ANK3: variants seen among roughly 807,000 people sequenced by gnomAD.
ANK3 encodes the protein ankyrin-3.
In ANK3, 57 loss-of-function variants were observed where a neutral mutation model predicts 370.9. The ratio of observed to expected loss-of-function variants is 0.15; its 90% CI spans 0.12 to 0.19. The LOEUF (loss-of-function observed/expected upper bound fraction) is 0.19, where lower values mean the gene tolerates loss of function less well. ANK3 is among the 10% of genes least tolerant of loss of function. The pLI, the probability that ANK3 is intolerant of heterozygous loss-of-function variation, is 1.00. For synonymous variants in ANK3, 1,929 were observed against 1,946.3 expected (o/e 0.99, Z 0.23); for missense variants, 4,439 against 5,302.1 (o/e 0.84, Z 5.06).
chr10:60,106,117 C>A, intron 27 of ANK3, 58 bp from the exon 28 acceptor site: 1 of 1,447,004 alleles, frequency 6.9e-7, no homozygotes, highest in Non-Finnish European at 9.2e-7. Context: ...TAGTATCATA[C>A]TTAAAAAATG....
chr10:60,363,973 T>G (rs10821742), intron 1 of ANK3, among the ~76,000 whole-genome samples: 46 of 40,168 alleles, frequency 1.1e-3, no homozygotes, highest in South Asian at 5.4e-3. Context: ...GAGAAGTGTT[T>G]TTTTTTTTTT....
At chr10:60,591,583 A>C (rs1391665986) in intron 2 of ANK3, among the ~76,000 whole-genome samples, 1 of 152,158 alleles carries the variant, frequency 6.6e-6, no homozygotes, top group East Asian at 1.9e-4. Context: ...GTATATACCC[A>C]AAAGAAAGGC....
At chr10:60,650,809 C>T (rs949287803) in intron 1 of ANK3, among the ~76,000 whole-genome samples, 1 of 152,194 alleles carries the variant, frequency 6.6e-6, no homozygotes, top group Non-Finnish European at 1.5e-5. Context: ...CTGGGCCCAG[C>T]ATGGTAGCTC....
At chr10:60,045,489 T>C (rs965367417) in intron 42 of ANK3, among the ~76,000 whole-genome samples, 12 of 152,212 alleles carry the variant, frequency 7.9e-5, no homozygotes, top group African/African-American at 2.9e-4. Context: ...TGCAATACAT[T>C]ACCTTCATTT....
intron 1 of ANK3, among the ~76,000 whole-genome samples, chr10:60,623,904 A>G (rs1480323136): frequency 1.3e-5 from 2 of 152,190 alleles, no homozygotes; most frequent in Non-Finnish European, 2.9e-5. Flanking sequence ...ACATGGTATC[A>G]GGAGCAATCA....
At chr10:60,408,460 G>C (rs970390955) in intron 2 of ANK3, among the ~76,000 whole-genome samples, 1 of 152,032 alleles carries the variant, frequency 6.6e-6, no homozygotes, top group South Asian at 2.1e-4. Flanking sequence ...GAAGATGCTC[G>C]CTCCTGCTTT....
At chr10:60,236,885 A>G (rs2097342277) in intron 7 of ANK3, among the ~76,000 whole-genome samples, 1 of 152,240 alleles carries the variant, frequency 6.6e-6, no homozygotes, top group Admixed American at 6.5e-5. Flanking sequence ...TCTTGCATCT[A>G]CTGAACTCTG....
At chr10:60,102,363 C>G (rs1212713067) in intron 28 of ANK3, among the ~76,000 whole-genome samples, 1 of 152,022 alleles carries the variant, frequency 6.6e-6, no homozygotes, top group African/African-American at 2.4e-5. Flanking sequence ...AGGCATCAAG[C>G]TAGGAGCTTT....
chr10:60,482,997 G>A (rs559348461), intron 2 of ANK3, among the ~76,000 whole-genome samples: 36 of 152,318 alleles, frequency 2.4e-4, no homozygotes, highest in African/African-American at 7.5e-4. Context: ...ACACATGAGC[G>A]TCACATCGTT....
At chr10:60,356,973 T>C (rs1412180508) in intron 1 of ANK3, among the ~76,000 whole-genome samples, 53 of 152,176 alleles carry the variant, frequency 3.5e-4, no homozygotes, top group Admixed American at 3.3e-3. Flanking sequence ...CCTCCTAAAA[T>C]TCTGGGATTA....
At chr10:60,525,545 G>T (rs760210964) in intron 2 of ANK3, among the ~76,000 whole-genome samples, 1 of 152,084 alleles carries the variant, frequency 6.6e-6, no homozygotes, top group Non-Finnish European at 1.5e-5. Context: ...TACTATATGC[G>T]CTAAACTGCA....
At chr10:60,253,335 A>G (rs1389029229) in intron 7 of ANK3, among the ~76,000 whole-genome samples, 1 of 152,212 alleles carries the variant, frequency 6.6e-6, no homozygotes, top group African/African-American at 2.4e-5. Context: ...AGCCAAGATA[A>G]GAGTCCAGAG....
intron 26 of ANK3, among the ~76,000 whole-genome samples, chr10:60,109,796 A>C (rs1202824667): frequency 2.0e-5 from 3 of 152,198 alleles, no homozygotes; most frequent in Non-Finnish European, 4.4e-5. Flanking sequence ...AACTGTCTGC[A>C]TGTATTAATA....
At chr10:60,259,906 C>T (rs2097780375) in intron 7 of ANK3, among the ~76,000 whole-genome samples, 1 of 152,214 alleles carries the variant, frequency 6.6e-6, no homozygotes, top group South Asian at 2.1e-4. Flanking sequence ...AAGGGCTTAG[C>T]TTTGTCCTTC....
At chr10:60,147,827 C>A (rs1192674532) in intron 23 of ANK3, among the ~76,000 whole-genome samples, 1 of 152,148 alleles carries the variant, frequency 6.6e-6, no homozygotes, top group Non-Finnish European at 1.5e-5. Flanking sequence ...GTACAGCCTG[C>A]AGAACCATGA....
intron 16 of ANK3, 121 bp from the exon 17 acceptor site, chr10:60,187,033 T>A: frequency 1.0e-6 from 1 of 960,654 alleles, no homozygotes; most frequent in Non-Finnish European, 1.6e-6. Flanking sequence ...AAATCATGAT[T>A]AAGTAAGCAA....
intron 42 of ANK3, chr10:60,053,692 A>C: frequency 7.7e-7 from 1 of 1,304,030 alleles, no homozygotes; most frequent in Non-Finnish European, 1.0e-6. Context: ...AACAGCAGGC[A>C]GTCATCCGTG....
At chr10:60,211,487 C>A (rs2096853464) in intron 9 of ANK3, among the ~76,000 whole-genome samples, 1 of 152,054 alleles carries the variant, frequency 6.6e-6, no homozygotes, top group Non-Finnish European at 1.5e-5. Flanking sequence ...TCAGTTTCCT[C>A]ATCTATGAAA....
chr10:60,602,934 C>T (rs1407505598), intron 2 of ANK3, among the ~76,000 whole-genome samples: 2 of 151,880 alleles, frequency 1.3e-5, no homozygotes, highest in African/African-American at 2.4e-5. Context: ...TTTCATTTCA[C>T]ACATTTAAAT....
Sources: gnomAD v4.1 joint callset for allele counts (sites outside exome capture counted in the v4.1 genomes callset) on GRCh38, gnomAD v4.1.1 for gene constraint, MANE v1.5 for transcripts, NCBI Gene and HGNC (gene_info 2026-07-23, HGNC 2026-07-21) for gene names.